Variants in PRKCE observed in about 807,000 individuals in gnomAD.
PRKCE encodes the protein protein kinase C epsilon, also known as protein kinase C epsilon type.
PRKCE carries 16 observed loss-of-function variants against 85.4 expected under a neutral mutation model. The observed-to-expected ratio is 0.19, with a 90% confidence interval of 0.13 to 0.28. The LOEUF is 0.28. Among genes scored for constraint, PRKCE ranks in the 10% least tolerant of loss-of-function variants. The probability of loss-of-function intolerance (pLI) is 1.00; values close to 1 mark genes in which losing one functional copy is unlikely to be tolerated. For synonymous variants in PRKCE, 388 were observed against 371.5 expected (o/e 1.04, Z -0.51); for missense variants, 573 against 975.2 (o/e 0.59, Z 5.49).
chr2:45,858,780 C>G (rs1045467246), intron 2 of PRKCE, among the ~76,000 whole-genome samples: 1 of 152,098 alleles, frequency 6.6e-6, no homozygotes, highest in Admixed American at 6.5e-5. Flanking sequence ...GTGGCTCATA[C>G]CTGTAATCCC....
intron 2 of PRKCE, among the ~76,000 whole-genome samples, chr2:45,851,020 A>T (rs958887393): frequency 2.6e-5 from 4 of 152,200 alleles, no homozygotes; most frequent in African/African-American, 9.6e-5. Flanking sequence ...TTGGGTAGCT[A>T]CTGGTAGGGC....
intron 1 of PRKCE, among the ~76,000 whole-genome samples, chr2:45,794,974 G>A (rs1424018770): frequency 6.6e-6 from 1 of 152,010 alleles, no homozygotes; most frequent in East Asian, 1.9e-4. Context: ...TGCTGTTGTT[G>A]GTTTGTTGCT....
At chr2:46,009,820 G>A (rs981283946) in intron 9 of PRKCE, among the ~76,000 whole-genome samples, 3 of 152,174 alleles carry the variant, frequency 2.0e-5, no homozygotes, top group Admixed American at 6.5e-5. Flanking sequence ...GATAATAATG[G>A]AGACCATATG....
chr2:45,770,236 C>T (rs527539985), intron 1 of PRKCE, among the ~76,000 whole-genome samples: 20 of 152,230 alleles, frequency 1.3e-4, no homozygotes, highest in Admixed American at 1.3e-3. Flanking sequence ...GCCCTAGGGT[C>T]AAATGCAGAC....
chr2:45,930,059 A>T (rs1169885949), intron 2 of PRKCE, among the ~76,000 whole-genome samples: 1 of 152,212 alleles, frequency 6.6e-6, no homozygotes, highest in African/African-American at 2.4e-5. Flanking sequence ...ATATAGTGTG[A>T]GAAATGAACC....
Position 45,908,366 on chromosome 2 carries a change from C to T in PRKCE, c.412+65303C>T, listed in dbSNP as rs149224776. ...GCCAGAAACGGACCAGGAGCAAGGA[C>T]CCTAGGGTTTAGAGACTTGAAGACC... On this transcript the variant is annotated intron_variant, in intron 2 of 14. Transcript: ENST00000306156. Among the ~76,000 whole-genome samples the T allele has an allele frequency of 2.6e-3, 403 of 152,278 alleles. 4 individuals are homozygous for T. Among genetic ancestry groups the T allele is most frequent in the African/African-American group, 9.3e-3 (386 of 41,530 alleles).
rs1019747622 is a variant in PRKCE at position 45,905,452 on chromosome 2, A to T, written c.412+62389A>T. On this transcript the variant is annotated intron_variant, in intron 2 of 14. Transcript: ENST00000306156. This position sits in a 1 kb window ranked among gnomAD's most constrained non-coding sequence, Gnocchi z 4.4. ...CTGAAATCTATTTTGCTGAGGCCAA[A>T]TTGGCTGTTGATGGGCCATAGTAGA... Among the ~76,000 whole-genome samples the T allele has an allele frequency of 1.3e-5, 2 of 152,206 alleles. No homozygotes were observed. The highest frequency in any genetic ancestry group is 4.8e-5 in the African/African-American group (2 of 41,452).
intron 3 of PRKCE, among the ~76,000 whole-genome samples, chr2:45,977,841 C>T (rs967508947): frequency 6.6e-6 from 1 of 152,176 alleles, no homozygotes; most frequent in Non-Finnish European, 1.5e-5. Flanking sequence ...TCCCACCAGC[C>T]TTTCTAGCAA....
intron 2 of PRKCE, among the ~76,000 whole-genome samples, chr2:45,958,282 G>T (rs1457988763): frequency 6.6e-6 from 1 of 151,332 alleles, no homozygotes; most frequent in Non-Finnish European, 1.5e-5. Flanking sequence ...GGCCAAGGTG[G>T]GCAGATCACG....
intron 1 of PRKCE, among the ~76,000 whole-genome samples, chr2:45,739,900 A>T (rs1211191034): frequency 1.3e-5 from 2 of 152,274 alleles, no homozygotes; most frequent in African/African-American, 2.4e-5. Flanking sequence ...GGCCTGTTTG[A>T]CAATGGGATT....
intron 2 of PRKCE, among the ~76,000 whole-genome samples, chr2:45,946,529 C>G (rs746072404): frequency 6.6e-6 from 1 of 152,154 alleles, no homozygotes; most frequent in Non-Finnish European, 1.5e-5. Flanking sequence ...CCTTCCAGCT[C>G]TTGTTCAAAC....
intron 1 of PRKCE, among the ~76,000 whole-genome samples, chr2:45,804,093 C>G (rs1688069505): frequency 6.6e-6 from 1 of 152,188 alleles, no homozygotes; most frequent in Non-Finnish European, 1.5e-5. Context: ...TGGCCCATCA[C>G]CACCTCTACA....
At chr2:45,914,860 G>T in intron 2 of PRKCE, among the ~76,000 whole-genome samples, 1 of 152,046 alleles carries the variant, frequency 6.6e-6, no homozygotes, top group Non-Finnish European at 1.5e-5. Flanking sequence ...CTCTTTCTTG[G>T]TTTTCCCACA....
At chr2:45,902,683 G>A (rs1696666186) in intron 2 of PRKCE, among the ~76,000 whole-genome samples, 1 of 152,176 alleles carries the variant, frequency 6.6e-6, no homozygotes, top group South Asian at 2.1e-4. Flanking sequence ...TGGGAGCTTG[G>A]CTAGGAAGAC....
chr2:45,842,771 T>G (rs1053631040), intron 1 of PRKCE, among the ~76,000 whole-genome samples: 12 of 152,322 alleles, frequency 7.9e-5, no homozygotes, highest in African/African-American at 2.6e-4. Context: ...AAGCATCCCC[T>G]GTGTAGCAAA....
At chr2:45,886,995 C>A (rs948238826) in intron 2 of PRKCE, among the ~76,000 whole-genome samples, 2 of 152,180 alleles carry the variant, frequency 1.3e-5, no homozygotes, top group Admixed American at 6.5e-5. Flanking sequence ...AGAACGGGGT[C>A]AGAAGCTCAG....
At chr2:46,106,767 C>G (rs1671754830) in intron 11 of PRKCE, among the ~76,000 whole-genome samples, 1 of 152,166 alleles carries the variant, frequency 6.6e-6, no homozygotes, top group Non-Finnish European at 1.5e-5. Flanking sequence ...ATTAAATGAC[C>G]TCTTTAAAGG....
intron 2 of PRKCE, among the ~76,000 whole-genome samples, chr2:45,847,645 G>C (rs1012849604): frequency 6.6e-6 from 1 of 152,152 alleles, no homozygotes; most frequent in African/African-American, 2.4e-5. Context: ...AGACCCTGCT[G>C]GGTCCAGACC....
At chr2:46,103,844 G>T (rs187675004) in intron 11 of PRKCE, among the ~76,000 whole-genome samples, 5 of 152,134 alleles carry the variant, frequency 3.3e-5, no homozygotes, top group African/African-American at 1.2e-4. Flanking sequence ...CCACATTTGA[G>T]TAGGCTGAGG....
Sources: gnomAD v4.1 joint callset for allele counts (sites outside exome capture counted in the v4.1 genomes callset) on GRCh38, gnomAD v4.1.1 for gene constraint, Gnocchi (gnomAD v3.1) non-coding constraint, MANE v1.5 for transcripts, NCBI Gene and HGNC (gene_info 2026-07-23, HGNC 2026-07-21) for gene names.